The following CCDC146 variants were observed in gnomAD, a reference collection of about 807,000 sequenced individuals.
The protein encoded by CCDC146 is coiled-coil domain containing 146, also known as coiled-coil domain-containing protein 146.
In CCDC146, 92 loss-of-function variants were observed where a neutral mutation model predicts 119.3. The ratio of observed to expected loss-of-function variants is 0.77; its 90% CI spans 0.65 to 0.92. The LOEUF is 0.92. Among genes scored for constraint, CCDC146 ranks in the 40% least tolerant of loss-of-function variants. The pLI is 0.00. For synonymous variants in CCDC146, 372 were observed against 371.8 expected (o/e 1.00, Z -0.01); for missense variants, 1,000 against 1,103.0 (o/e 0.91, Z 1.32).
At chr7:77,237,624 C>T (rs1230032491) in intron 3 of CCDC146, among the ~76,000 whole-genome samples, 1 of 150,442 alleles carries the variant, frequency 6.6e-6, no homozygotes, top group Non-Finnish European at 1.5e-5. Flanking sequence ...GTAGATTCTC[C>T]AACAACCCCA....
chr7:77,131,136 G>T (rs1247829747), intron 1 of CCDC146, among the ~76,000 whole-genome samples: 1 of 151,900 alleles, frequency 6.6e-6, no homozygotes, highest in African/African-American at 2.4e-5. Flanking sequence ...TCCCACCTTG[G>T]CTTCCCAAGG....
At chr7:77,222,308 G>A (rs935404878) in intron 2 of CCDC146, among the ~76,000 whole-genome samples, 2 of 152,186 alleles carry the variant, frequency 1.3e-5, no homozygotes, top group Non-Finnish European at 2.9e-5. Flanking sequence ...GAAGTGAAGG[G>A]CACTCGGGGA....
At chr7:77,224,031 A>G (rs868318281) in intron 2 of CCDC146, among the ~76,000 whole-genome samples, 3 of 152,350 alleles carry the variant, frequency 2.0e-5, no homozygotes, top group Middle Eastern at 6.8e-3. Flanking sequence ...GTAGATAAGA[A>G]GAGAGAAAAG....
intron 2 of CCDC146, among the ~76,000 whole-genome samples, chr7:77,228,039 A>C (rs894895765): frequency 6.6e-6 from 1 of 152,194 alleles, no homozygotes; most frequent in African/African-American, 2.4e-5. Flanking sequence ...CCTGTACCAG[A>C]CCTGAAATCA....
chr7:77,238,265 A>G (rs1258798349), intron 3 of CCDC146, among the ~76,000 whole-genome samples: 1 of 152,176 alleles, frequency 6.6e-6, no homozygotes, highest in African/African-American at 2.4e-5. Flanking sequence ...CTCAAGGCTC[A>G]GGAATTTTGA....
At chr7:77,260,340 A>C (rs1224006198) in intron 8 of CCDC146, 104 bp downstream of exon 8, 1 of 781,692 alleles carries the variant, frequency 1.3e-6, no homozygotes, top group East Asian at 2.8e-5. Context: ...TAAATATTTA[A>C]AAATAATTTT....
At chr7:77,170,795 G>A (rs987977657) in intron 2 of CCDC146, among the ~76,000 whole-genome samples, 7 of 152,156 alleles carry the variant, frequency 4.6e-5, no homozygotes, top group Non-Finnish European at 7.4e-5. Flanking sequence ...CATACATGTG[G>A]CCAACAAAAG....
chr7:77,148,905 C>T (rs541404483), intron 1 of CCDC146, among the ~76,000 whole-genome samples: 239 of 152,156 alleles, frequency 1.6e-3, no homozygotes, highest in Non-Finnish European at 2.8e-3. Context: ...CCACACTGCT[C>T]AAAGTAATTT....
chr7:77,138,941 G>A (rs188972859), intron 1 of CCDC146, among the ~76,000 whole-genome samples: 2 of 152,328 alleles, frequency 1.3e-5, no homozygotes, highest in Admixed American at 1.3e-4. Context: ...TAGTCACTTT[G>A]GAAGATAGGC....
chr7:77,253,486 T>C (rs1179232254), intron 4 of CCDC146, among the ~76,000 whole-genome samples: 1 of 152,238 alleles, frequency 6.6e-6, no homozygotes. Context: ...TGACGATCTA[T>C]TTCCATATGC....
intron 2 of CCDC146, among the ~76,000 whole-genome samples, chr7:77,212,920 G>A (rs893795991): frequency 2.8e-5 from 4 of 144,432 alleles, no homozygotes; most frequent in Admixed American, 7.0e-5. Flanking sequence ...TAGAGCCTTA[G>A]TGCATAAATG....
At position 77,196,684 on chromosome 7, in the gene CCDC146, T is replaced by C. The variant is rs1791877664; in HGVS notation, c.156+28860T>C. On this transcript the variant is annotated intron_variant, in intron 2 of 18. Transcript: ENST00000285871. The surrounding 1 kb of genome is among the most constrained non-coding windows in gnomAD (Gnocchi z 4.2). ...CATATAGTTCGACACCATTAAAGTC[T>C]TCAAGATCTATTCTCAGAATCATTT... 4 of 1,614,224 alleles carry C rather than the reference T, an allele frequency of 2.5e-6. No homozygotes were observed. The highest frequency in any genetic ancestry group is 3.4e-6 in the Non-Finnish European group (4 of 1,180,020).
Position 77,262,256 on chromosome 7 carries a change from C to T in CCDC146, c.1122C>T (p.Ser374=), listed in dbSNP as rs751955710. The change falls in exon 9 of 19, where the codon TCC becomes TCT. Residue 374 remains serine (S), a synonymous_variant. Transcript: ENST00000285871. The part of the protein sequence containing the change: ...LRKMELLLKV[S]WDALRQTQAL... ...AGATGGAACTGCTCTTGAAAGTGTC[C>T]TGGGATGCACTTAGGCAAACTCAAG... is the stretch of plus-strand genomic sequence containing the variant. 1 of 1,613,696 alleles carries T rather than the reference C, an allele frequency of 6.2e-7. No homozygotes were observed. Among genetic ancestry groups the T allele is most frequent in the Non-Finnish European group, 8.5e-7 (1 of 1,179,888 alleles).
At chr7:77,147,547 A>T (rs936132731) in intron 1 of CCDC146, among the ~76,000 whole-genome samples, 1 of 151,980 alleles carries the variant, frequency 6.6e-6, no homozygotes, top group East Asian at 1.9e-4. Flanking sequence ...GGTTTTATCT[A>T]CCTTTGGTCT....
At chr7:77,247,713 G>T (rs535476851) in intron 4 of CCDC146, among the ~76,000 whole-genome samples, 1 of 152,082 alleles carries the variant, frequency 6.6e-6, no homozygotes, top group Non-Finnish European at 1.5e-5. Flanking sequence ...ACTAATCAGA[G>T]AAATGCAAAT....
At chr7:77,129,482 G>A (rs1441511560) in intron 1 of CCDC146, among the ~76,000 whole-genome samples, 3 of 152,028 alleles carry the variant, frequency 2.0e-5, no homozygotes, top group Non-Finnish European at 4.4e-5. Flanking sequence ...AGATTGCTAA[G>A]ATCTAAGGTT....
chr7:77,153,570 A>G (rs1212710998), intron 1 of CCDC146, among the ~76,000 whole-genome samples: 1 of 149,134 alleles, frequency 6.7e-6, no homozygotes, highest in Admixed American at 6.7e-5. Flanking sequence ...GAAAATGAAA[A>G]TTAAATGTGT....
chr7:77,148,485 C>T (rs949703921), intron 1 of CCDC146, among the ~76,000 whole-genome samples: 2 of 152,042 alleles, frequency 1.3e-5, no homozygotes, highest in African/African-American at 4.8e-5. Flanking sequence ...CAGAAATCAC[C>T]CGTCTTCTGC....
At chr7:77,170,199 G>C (rs1291941277) in intron 2 of CCDC146, among the ~76,000 whole-genome samples, 1 of 152,028 alleles carries the variant, frequency 6.6e-6, no homozygotes, top group Non-Finnish European at 1.5e-5. Context: ...TCAGTGTATA[G>C]CTCCCACTTA....
Sources: allele counts gnomAD v4.1 joint callset (sites outside exome capture counted in the v4.1 genomes callset), GRCh38; gene constraint gnomAD v4.1.1; non-coding constraint Gnocchi (gnomAD v3.1); transcripts MANE v1.5; gene names NCBI Gene and HGNC (gene_info 2026-07-23, HGNC 2026-07-21).